ARHGAP15: variants seen among roughly 807,000 people sequenced by gnomAD.
The protein encoded by ARHGAP15 is rho GTPase-activating protein 15.
Under a neutral mutation model 63.7 loss-of-function variants are expected in ARHGAP15, and 51 were observed. The ratio of observed to expected loss-of-function variants is 0.80; its 90% CI spans 0.64 to 1.01. ARHGAP15 has a LOEUF of 1.01. ARHGAP15 is among the 50% of genes least tolerant of loss of function. The probability of loss-of-function intolerance (pLI) is 0.00; values close to 1 mark genes in which losing one functional copy is unlikely to be tolerated. For missense variants in ARHGAP15, 560 were observed against 564.6 expected (o/e 0.99, Z 0.08); for synonymous variants, 191 against 193.8 (o/e 0.99, Z 0.12).
chr2:143,749,116 G>C (rs550976272), intron 13 of ARHGAP15, among the ~76,000 whole-genome samples: 1 of 152,208 alleles, frequency 6.6e-6, no homozygotes, highest in African/African-American at 2.4e-5. Context: ...AAAGAAGTCA[G>C]GGTGCTGTCA....
intron 6 of ARHGAP15, among the ~76,000 whole-genome samples, chr2:143,350,675 A>AG (rs1294868783): frequency 2.7e-5 from 4 of 149,358 alleles, no homozygotes; most frequent in African/African-American, 7.3e-5. Flanking sequence ...AAAAAAAAAA[A>AG]AAAGAAAGAA....
chr2:143,512,965 A>T (rs1216728259), intron 9 of ARHGAP15, among the ~76,000 whole-genome samples: 1 of 152,218 alleles, frequency 6.6e-6, no homozygotes, highest in East Asian at 1.9e-4. Context: ...TCAGTATCCA[A>T]ATTCTAAATT....
intron 12 of ARHGAP15, among the ~76,000 whole-genome samples, chr2:143,654,339 G>T (rs1681322390): frequency 6.6e-6 from 1 of 152,078 alleles, no homozygotes; most frequent in Non-Finnish European, 1.5e-5. Flanking sequence ...TTTCATCCCT[G>T]CAATCATCCT....
intron 9 of ARHGAP15, among the ~76,000 whole-genome samples, chr2:143,497,884 G>A (rs572524170): frequency 6.6e-6 from 1 of 152,284 alleles, no homozygotes; most frequent in East Asian, 1.9e-4. Flanking sequence ...TGGGATTTTA[G>A]AGTTCACATG....
At position 143,473,991 on chromosome 2, in the gene ARHGAP15, G is replaced by T. The variant is rs143041259; in HGVS notation, c.704-13382G>T. Reference sequence around the variant, plus strand: ...TCTCAGCCCGTTCAATAGTCCAAAAGTTCAAGTTTCAGAGGGGTTGGAATT... The same window carrying T: ...TCTCAGCCCGTTCAATAGTCCAAAATTTCAAGTTTCAGAGGGGTTGGAATT... On this transcript the variant is annotated intron_variant, in intron 8 of 13. Transcript: ENST00000295095. 5.0e-3 allele frequency among the ~76,000 whole-genome samples: 757 copies of T among 152,256 alleles called. 8 individuals are homozygous for T. Among genetic ancestry groups the T allele is most frequent in the African/African-American group, 0.017 (705 of 41,548 alleles).
intron 13 of ARHGAP15, among the ~76,000 whole-genome samples, chr2:143,754,815 C>G (rs9653186): frequency 0.033 from 4,976 of 152,306 alleles, 262 homozygotes; most frequent in African/African-American, 0.11. Flanking sequence ...TTCCAATCTA[C>G]TGATCAGGCC....
At chr2:143,722,548 C>CA (rs908260695) in intron 13 of ARHGAP15, among the ~76,000 whole-genome samples, 1 of 152,080 alleles carries the variant, frequency 6.6e-6, no homozygotes, top group African/African-American at 2.4e-5. Flanking sequence ...TAAAAGTGTG[C>CA]AATCGGAAGT....
At chr2:143,403,223 G>A (rs1204814198) in intron 6 of ARHGAP15, among the ~76,000 whole-genome samples, 41 of 150,692 alleles carry the variant, frequency 2.7e-4, no homozygotes, top group Non-Finnish European at 1.8e-4. Context: ...TTTTAGCCTT[G>A]AAACCAATAA....
intron 13 of ARHGAP15, among the ~76,000 whole-genome samples, chr2:143,726,574 A>G (rs1251476949): frequency 6.6e-6 from 1 of 152,228 alleles, no homozygotes; most frequent in African/African-American, 2.4e-5. Flanking sequence ...ACCCTGACTC[A>G]TTTACATGGA....
intron 11 of ARHGAP15, among the ~76,000 whole-genome samples, chr2:143,591,990 T>A (rs1294158417): frequency 6.6e-6 from 1 of 152,118 alleles, no homozygotes; most frequent in Non-Finnish European, 1.5e-5. Context: ...ATCACTTTAT[T>A]TTGCCCAAAT....
At chr2:143,451,178 C>A (rs1366627924) in intron 8 of ARHGAP15, among the ~76,000 whole-genome samples, 1 of 151,868 alleles carries the variant, frequency 6.6e-6, no homozygotes, top group Non-Finnish European at 1.5e-5. Flanking sequence ...TAAAGATGAT[C>A]ATACATTCGC....
At chr2:143,157,197 G>A (rs1441723918) in intron 2 of ARHGAP15, among the ~76,000 whole-genome samples, 2 of 151,838 alleles carry the variant, frequency 1.3e-5, no homozygotes, top group Non-Finnish European at 2.9e-5. Context: ...TACATGTTGG[G>A]ATGTACTTAA....
intron 1 of ARHGAP15, among the ~76,000 whole-genome samples, chr2:143,131,026 TTGAGGAAAAGTCCA>T (rs1688894923): frequency 6.6e-6 from 1 of 152,168 alleles, no homozygotes; most frequent in African/African-American, 2.4e-5. Context: ...ACATCTGGCA[TTGAGGAAAAGTCCA>T]TGAAAATTTT....
intron 12 of ARHGAP15, among the ~76,000 whole-genome samples, chr2:143,632,675 A>G (rs994855769): frequency 6.6e-6 from 1 of 152,156 alleles, no homozygotes; most frequent in African/African-American, 2.4e-5. Flanking sequence ...AGATAAAAAT[A>G]ATACATTGCC....
At chr2:143,736,394 CA>C (rs112035181) in intron 13 of ARHGAP15, among the ~76,000 whole-genome samples, 2,759 of 114,680 alleles carry the variant, frequency 0.024, 26 homozygotes, top group Middle Eastern at 0.041. Flanking sequence ...GAAACTCTGT[CA>C]AAAAAAAAAA....
At chr2:143,259,637 T>C (rs183156958) in intron 6 of ARHGAP15, among the ~76,000 whole-genome samples, 28 of 152,288 alleles carry the variant, frequency 1.8e-4, no homozygotes, top group Non-Finnish European at 3.7e-4. Flanking sequence ...GGGAGGTATT[T>C]AAAGAAGAGC....
intron 1 of ARHGAP15, among the ~76,000 whole-genome samples, chr2:143,136,867 G>A (rs1468892829): frequency 1.3e-5 from 2 of 151,814 alleles, no homozygotes; most frequent in African/African-American, 4.8e-5. Flanking sequence ...GTATTTCACG[G>A]GAATGAATTA....
At chr2:143,312,396 G>T (rs891555333) in intron 6 of ARHGAP15, among the ~76,000 whole-genome samples, 6 of 151,670 alleles carry the variant, frequency 4.0e-5, no homozygotes, top group Non-Finnish European at 5.9e-5. Flanking sequence ...TGTTTTAAAG[G>T]TCTAACATTT....
At chr2:143,205,826 A>G (rs1448353502) in intron 3 of ARHGAP15, among the ~76,000 whole-genome samples, 1 of 151,966 alleles carries the variant, frequency 6.6e-6, no homozygotes, top group Non-Finnish European at 1.5e-5. Context: ...TTTCTGATGA[A>G]ACGTCTCAAT....
Sources: allele counts gnomAD v4.1 joint callset (sites outside exome capture counted in the v4.1 genomes callset), GRCh38; gene constraint gnomAD v4.1.1; transcripts MANE v1.5; gene names NCBI Gene and HGNC (gene_info 2026-07-23, HGNC 2026-07-21).